GNPDA2: variants seen among roughly 807,000 people sequenced by gnomAD.
GNPDA2 encodes the protein glcN6P deaminase 2.
Under a neutral mutation model 27.0 loss-of-function variants are expected in GNPDA2, and 24 were observed. The observed-to-expected ratio is 0.89, with a 90% CI of 0.64 to 1.25. GNPDA2 has a LOEUF of 1.25. Among genes scored for constraint, GNPDA2 ranks in the 50% most tolerant of loss-of-function variants. The probability of loss-of-function intolerance (pLI) is 0.00; values close to 1 mark genes in which losing one functional copy is unlikely to be tolerated. For missense variants in GNPDA2, 286 were observed against 335.1 expected, an observed-to-expected ratio of 0.85 and a Z score of 1.14; for synonymous variants, 94 against 108.4, an observed-to-expected ratio of 0.87 and a Z score of 0.83.
chr4:44,714,638 T>TA lies in GNPDA2; in HGVS notation c.409+2474dup, dbSNP rs929102573. 1.1e-5 allele frequency: 11 copies of TA among 985,036 alleles called. No individual in the cohort carries two copies. In the South Asian group the frequency reaches 2.8e-4, roughly 25 times the overall value. 61.0% of individuals were successfully genotyped at this position (985,036 alleles called of 1,614,324 possible). A position where few individuals can be genotyped will look rare whatever the true frequency, so the allele number is the denominator to read the frequency against. ...TTTTGATCCCATTTGGCACAGTTCT[T>TA]AGAGTTTTTATTAACCAAACCCTGG... On this transcript the variant is annotated intron_variant, in intron 4 of 6. Transcript: ENST00000295448.
At chr4:44,723,793 G>A (rs1006206370) in intron 1 of GNPDA2, among the ~76,000 whole-genome samples, 6 of 152,122 alleles carry the variant, frequency 3.9e-5, no homozygotes, top group Admixed American at 6.5e-5. Context: ...AAGCAAGAAA[G>A]CACCCCATGG....
At chr4:44,711,204 TAAAG>T (rs1716957765) in intron 4 of GNPDA2, 67 bp from the exon 5 acceptor site, 2 of 953,140 alleles carry the variant, frequency 2.1e-6, no homozygotes, top group South Asian at 3.1e-5. Context: ...CAATGTGCGT[TAAAG>T]AACAAAAAAA....
At chr4:44,719,401 T>C (rs946654720) in intron 2 of GNPDA2, among the ~76,000 whole-genome samples, 1 of 151,924 alleles carries the variant, frequency 6.6e-6, no homozygotes, top group Non-Finnish European at 1.5e-5. Flanking sequence ...AATTCAAGAA[T>C]AGTAAAAAGA....
chr4:44,708,882 A>C (rs373336602), intron 5 of GNPDA2, among the ~76,000 whole-genome samples: 14 of 152,070 alleles, frequency 9.2e-5, no homozygotes, highest in African/African-American at 3.4e-4. Flanking sequence ...ACTCCTCAAA[A>C]CACCACCATG....
At chr4:44,705,029 G>A (rs932639088) in intron 6 of GNPDA2, 2 of 977,504 alleles carry the variant, frequency 2.0e-6, no homozygotes, top group South Asian at 9.5e-5. Context: ...GGTATATATT[G>A]AAATAAACTT....
intron 4 of GNPDA2, 49 bp downstream of exon 4, chr4:44,717,064 C>T (rs1349358175): frequency 1.5e-6 from 2 of 1,305,270 alleles, no homozygotes; most frequent in Admixed American, 2.2e-5. Flanking sequence ...TTTAAAAATC[C>T]CTAATTCAAA....
At chr4:44,719,237 G>T (rs187106109) in intron 2 of GNPDA2, among the ~76,000 whole-genome samples, 2 of 151,656 alleles carry the variant, frequency 1.3e-5, no homozygotes, top group African/African-American at 4.8e-5. Flanking sequence ...TTATCTGGCC[G>T]TCCCAATCCT....
chr4:44,705,033 T>C, intron 6 of GNPDA2: 1 of 980,626 alleles, frequency 1.0e-6, no homozygotes, highest in East Asian at 1.1e-4. Flanking sequence ...TATATTGAAA[T>C]AAACTTGCAT....
At chr4:44,713,321 T>C (rs1717085728) in intron 4 of GNPDA2, among the ~76,000 whole-genome samples, 1 of 152,192 alleles carries the variant, frequency 6.6e-6, no homozygotes. Context: ...GAAGACAGCA[T>C]GGTGAACTGA....
chr4:44,720,725 G>A (rs1717611675), intron 2 of GNPDA2, among the ~76,000 whole-genome samples: 1 of 152,076 alleles, frequency 6.6e-6, no homozygotes, highest in African/African-American at 2.4e-5. Context: ...GTCAATGAAG[G>A]AGAGTAATGG....
At chr4:44,709,144 A>AG (rs1291529775) in intron 5 of GNPDA2, among the ~76,000 whole-genome samples, 3 of 152,110 alleles carry the variant, frequency 2.0e-5, no homozygotes, top group African/African-American at 7.2e-5. Context: ...CTCAACATGA[A>AG]GTATATATAC....
At position 44,716,866 on chromosome 4, in the gene GNPDA2, G is replaced by T. The variant is rs185835482; in HGVS notation, c.409+247C>A. ...AAAGAGGTAATTAACAGAGTTTAAC[G>T]GGGATTGGGATCTACCTCTCAAGGC... is the stretch of plus-strand genomic sequence containing the variant. On this transcript the variant is annotated intron_variant, in intron 4 of 6. Transcript: ENST00000295448. Among the ~76,000 whole-genome samples the T allele has an allele frequency of 2.0e-5, 3 of 151,838 alleles. No individual in the cohort carries two copies. The South Asian group carries it at 6.2e-4, about 32-fold the overall frequency.
In GNPDA2 at chr4:44,702,568, A is replaced by ATT; in HGVS notation, c.*511_*512dup. 1.0e-6 allele frequency: 1 copy of ATT among 988,224 alleles called. No individual in the cohort carries two copies. The highest frequency in any genetic ancestry group is 4.7e-5 in the South Asian group (1 of 21,436). The allele number at this position is 988,224 out of a possible 1,614,324, so 61.2% of individuals were successfully genotyped here. Reference sequence around the variant, plus strand: ...TCCTTTACCAATGATATATAGCACAATTTTTGATGTCTAGATGGTGCTGTA... The same window carrying ATT: ...TCCTTTACCAATGATATATAGCACAATTTTTTTGATGTCTAGATGGTGCTGTA... On this transcript the variant is annotated 3_prime_UTR_variant, in exon 7 of 7. Coordinates refer to ENST00000295448, the MANE Select transcript of GNPDA2 (RefSeq NM_138335.3).
At chr4:44,710,885 C>T (rs1716930749) in intron 5 of GNPDA2, 68 bp downstream of exon 5, 2 of 1,247,086 alleles carry the variant, frequency 1.6e-6, no homozygotes, top group Admixed American at 2.5e-5. Context: ...TATTCAGCAT[C>T]ATAACTCCTC....
At chr4:44,711,278 T>C (rs1333817706) in intron 4 of GNPDA2, 141 bp from the exon 5 acceptor site, 25 of 498,932 alleles carry the variant, frequency 5.0e-5, no homozygotes, top group Non-Finnish European at 2.0e-5. Context: ...TATTTGTTTC[T>C]GTATTGATTC....
intron 6 of GNPDA2, 25 bp from the exon 7 acceptor site, chr4:44,703,167 AGTT>A (rs1716378642): frequency 5.6e-6 from 9 of 1,593,456 alleles, no homozygotes; most frequent in Non-Finnish European, 6.0e-6. Flanking sequence ...GCACAGTTCT[AGTT>A]GTTTTTATTA....
intron 1 of GNPDA2, among the ~76,000 whole-genome samples, chr4:44,725,253 C>T (rs1223174918): frequency 6.6e-6 from 1 of 152,190 alleles, no homozygotes; most frequent in Non-Finnish European, 1.5e-5. Flanking sequence ...TCTTCATATA[C>T]AGAAAACTGC....
chr4:44,725,266 C>A (rs184756047), intron 1 of GNPDA2, among the ~76,000 whole-genome samples: 1 of 152,310 alleles, frequency 6.6e-6, no homozygotes, highest in Non-Finnish European at 1.5e-5. Flanking sequence ...AAAACTGCAA[C>A]TACGAGAAGT....
At chr4:44,717,345 G>A (rs1717370121) in intron 3 of GNPDA2, 50 bp from the exon 4 acceptor site, 1 of 1,053,580 alleles carries the variant, frequency 9.5e-7, no homozygotes, top group Non-Finnish European at 1.3e-6. Context: ...TAAATCTAAA[G>A]TTTATTTTTC....
Sources: gnomAD v4.1 joint callset for allele counts (sites outside exome capture counted in the v4.1 genomes callset) on GRCh38, gnomAD v4.1.1 for gene constraint, MANE v1.5 for transcripts, NCBI Gene and HGNC (gene_info 2026-07-23, HGNC 2026-07-21) for gene names.